The following ST8SIA6 variants were observed in gnomAD, a reference collection of about 807,000 sequenced individuals.
ST8SIA6 encodes ST8 alpha-N-acetyl-neuraminide alpha-2,8-sialyltransferase 6.
Under a neutral mutation model 33.6 loss-of-function variants are expected in ST8SIA6, and 39 were observed. The observed-to-expected ratio is 1.16, with a 90% confidence interval of 0.90 to 1.52. ST8SIA6 has a LOEUF of 1.52. Among genes scored for constraint, ST8SIA6 ranks in the 40% most tolerant of loss-of-function variants. The pLI is 0.00. For missense variants in ST8SIA6, 441 were observed against 443.8 expected (o/e 0.99, Z 0.06); for synonymous variants, 172 against 167.2 (o/e 1.03, Z -0.22).
chr10:17,412,674 G>T (rs1851490540), intron 2 of ST8SIA6, among the ~76,000 whole-genome samples: 1 of 152,134 alleles, frequency 6.6e-6, no homozygotes, highest in African/African-American at 2.4e-5. Context: ...AACTTTGACT[G>T]CAAGAATTTT....
chr10:17,364,225 A>G (rs910334900), intron 3 of ST8SIA6, among the ~76,000 whole-genome samples: 17 of 152,234 alleles, frequency 1.1e-4, no homozygotes, highest in Non-Finnish European at 2.5e-4. Flanking sequence ...AGTCTTTAAA[A>G]TATTTTGTTT....
chr10:17,358,652 TAAG>T lies in ST8SIA6; in HGVS notation c.377+859_377+861del, dbSNP rs1221104722. Among the ~76,000 whole-genome samples, 255 of 48,514 alleles carry T rather than the reference TAAG, an allele frequency of 5.3e-3. 1 individual carries two copies. Among genetic ancestry groups the T allele is most frequent in the East Asian group, 0.024 (16 of 676 alleles). The allele number at this position is 48,514 out of a possible 152,430, so 31.8% of individuals were successfully genotyped here. A position where few individuals can be genotyped will look rare whatever the true frequency, so the allele number is the denominator to read the frequency against. On this transcript the variant is annotated intron_variant, in intron 4 of 7. Transcript: ENST00000377602. ...AAGGAAGGAAGGAGAAGAAAAAGAA[TAAG>T]GAGGAGGAGGAAAGAAGAAAGAAGA...
rs1051857384 is a variant in ST8SIA6, at chr10:17,454,319, A to ACTCGCGGCT, written c.-73_-65dup. The ACTCGCGGCT allele has an allele frequency of 5.8e-5, 10 of 172,466 alleles. 1 individual carries two copies. The highest frequency in any genetic ancestry group is 2.2e-4 in the African/African-American group (9 of 41,398). The allele number at this position is 172,466 out of a possible 1,614,324, so 10.7% of individuals were successfully genotyped here. A position where few individuals can be genotyped will look rare whatever the true frequency, so the allele number is the denominator to read the frequency against. ...GCGAAGCACAGCCCGGGCGGCCCCG[A>ACTCGCGGCT]CTCGCGGCTCCCGCCGCCGCCGCCA... On this transcript the variant is annotated 5_prime_UTR_variant, in exon 1 of 8. Coordinates refer to ENST00000377602, the MANE Select transcript of ST8SIA6 (RefSeq NM_001004470.3). The surrounding 1 kb of genome is among the most constrained non-coding windows in gnomAD (Gnocchi z 4.1).
intron 2 of ST8SIA6, among the ~76,000 whole-genome samples, chr10:17,399,807 A>G (rs1017780532): frequency 1.3e-5 from 2 of 151,558 alleles, no homozygotes; most frequent in Non-Finnish European, 2.9e-5. Flanking sequence ...GGTCCCAGCT[A>G]CTCAGGAAGC....
Position 17,453,619 on chromosome 10 carries a change from G to C in ST8SIA6, c.140C>G (p.Thr47Ser). ...CCGGAGCGTCCTCAGCGCTGCGGGGGTGCCGTGGGTGGCCTCCCTGCTTTC... is the reference window on the plus strand; with the variant it reads ...CCGGAGCGTCCTCAGCGCTGCGGGGCTGCCGTGGGTGGCCTCCCTGCTTTC... ...VEESREATHG[T>S]PAALRTLRSP... Residue 47 changes from threonine to serine, a missense_variant, in exon 2 of 8, where the codon ACC becomes AGC. Physicochemically the swap from Thr to Ser is moderately conservative, Grantham distance 58. Coordinates refer to ENST00000377602, the MANE Select transcript of ST8SIA6 (RefSeq NM_001004470.3). 1.5e-6 allele frequency: 2 copies of C among 1,327,230 alleles called. No homozygotes were observed. The highest frequency in any genetic ancestry group is 1.9e-6 in the Non-Finnish European group (2 of 1,031,138). 82.2% of individuals were successfully genotyped at this position (1,327,230 alleles called of 1,614,324 possible).
In ST8SIA6 at chr10:17,390,633, A is replaced by T; in HGVS notation, c.201-13T>A. On this transcript the variant is annotated splice_polypyrimidine_tract_variant and intron_variant, in intron 2 of 7. Transcript: ENST00000377602. ...ATTCAGATATGTGCTGTTTCATGAA[A>T]GAGATTTTTAAAAAGATTGATTTAA... The T allele has an allele frequency of 6.3e-7, 1 of 1,595,066 alleles. No individual in the cohort carries two copies.
intron 4 of ST8SIA6, among the ~76,000 whole-genome samples, chr10:17,352,506 G>A (rs1317608077): frequency 1.3e-5 from 2 of 152,114 alleles, no homozygotes; most frequent in Non-Finnish European, 2.9e-5. Flanking sequence ...TACCAATGAA[G>A]ACATGGCAAG....
chr10:17,377,385 C>T (rs567623344), intron 3 of ST8SIA6, among the ~76,000 whole-genome samples: 1 of 152,306 alleles, frequency 6.6e-6, no homozygotes, highest in South Asian at 2.1e-4. Flanking sequence ...GGTCTCTTCA[C>T]ATGGACACGC....
intron 5 of ST8SIA6, among the ~76,000 whole-genome samples, chr10:17,329,460 C>T (rs781411897): frequency 4.6e-5 from 7 of 152,160 alleles, no homozygotes; most frequent in Admixed American, 1.3e-4. Flanking sequence ...CAATGGCTAG[C>T]AGAGTGACTG....
chr10:17,318,813 C>T lies in ST8SIA6; in HGVS notation c.*2065G>A. ...TACGTTTTACAGTTTACATAGCTGA[C>T]ATGCTGTATTGTAAACATTCATGTT... is the stretch of plus-strand genomic sequence containing the variant. On this transcript the variant is annotated 3_prime_UTR_variant, in exon 8 of 8. Coordinates refer to ENST00000377602, the MANE Select transcript of ST8SIA6 (RefSeq NM_001004470.3). 3 of 449,592 alleles carry T rather than the reference C, an allele frequency of 6.7e-6. No individual in the cohort carries two copies. The highest frequency in any genetic ancestry group is 1.4e-5 in the Non-Finnish European group (3 of 220,786). 27.9% of individuals were successfully genotyped at this position (449,592 alleles called of 1,614,324 possible).
intron 3 of ST8SIA6, among the ~76,000 whole-genome samples, chr10:17,373,767 T>C (rs1849806277): frequency 6.6e-6 from 1 of 152,216 alleles, no homozygotes; most frequent in Admixed American, 6.5e-5. Flanking sequence ...TTTAAATAAA[T>C]TTGATTATTT....
rs1441288579 is a variant in ST8SIA6, at chr10:17,374,764, T to TATATATATATATATATACACAC, written c.291-15165_291-15164insGTGTGTATATATATATATATAT. On this transcript the variant is annotated intron_variant, in intron 3 of 7. Coordinates refer to ENST00000377602, the MANE Select transcript of ST8SIA6 (RefSeq NM_001004470.3). The stretch of plus-strand genomic sequence containing the variant: ...TAAATAAATAATAAATATATATATA[T>TATATATATATATATATACACAC]ATATTTAGCTCAACTGCCCTCCCAA... 3.9e-3 allele frequency among the ~76,000 whole-genome samples: 495 copies of TATATATATATATATATACACAC among 126,810 alleles called. 9 individuals are homozygous for TATATATATATATATATACACAC. The highest frequency in any genetic ancestry group is 6.2e-3 in the Non-Finnish European group (375 of 60,268). 83.2% of individuals were successfully genotyped at this position (126,810 alleles called of 152,430 possible). A position where few individuals can be genotyped will look rare whatever the true frequency, so the allele number is the denominator to read the frequency against.
chr10:17,328,869 T>C (rs1848214577), intron 5 of ST8SIA6, among the ~76,000 whole-genome samples: 1 of 152,198 alleles, frequency 6.6e-6, no homozygotes, highest in Middle Eastern at 3.2e-3. Flanking sequence ...TCAGGAATTT[T>C]GTGAGCTGGT....
chr10:17,447,822 A>C (rs1415109830), intron 2 of ST8SIA6, among the ~76,000 whole-genome samples: 1 of 152,106 alleles, frequency 6.6e-6, no homozygotes, highest in Non-Finnish European at 1.5e-5. Flanking sequence ...ATTTAAAAAA[A>C]ATTTTTTTTT....
intron 4 of ST8SIA6, among the ~76,000 whole-genome samples, chr10:17,344,051 C>G (rs1848758191): frequency 6.6e-6 from 1 of 152,158 alleles, no homozygotes; most frequent in African/African-American, 2.4e-5. Flanking sequence ...CCTGAGGTCA[C>G]ACAGCTAGCT....
Position 17,331,513 on chromosome 10 carries a change from A to G in ST8SIA6, c.417T>C (p.Phe139=), listed in dbSNP as rs1401735785. Residue 139 remains phenylalanine, a synonymous_variant, in exon 5 of 8, where the codon TTT becomes TTC. Transcript: ENST00000377602. ...LASCCDAVQN[F]VVSQNNTPVG... ...CTGGAGTGTTATTCTGAGAAACAAC[A>G]AAGTTTTGAACAGCATCACAGCAGG... 3 of 1,612,984 alleles carry G rather than the reference A, an allele frequency of 1.9e-6. No individual in the cohort carries two copies. Among genetic ancestry groups the G allele is most frequent in the African/African-American group, 1.3e-5 (1 of 74,854 alleles).
At chr10:17,392,088 T>G (rs76651939) in intron 2 of ST8SIA6, among the ~76,000 whole-genome samples, 2,176 of 152,302 alleles carry the variant, frequency 0.014, 22 homozygotes, top group African/African-American at 0.032. Flanking sequence ...CACACACAGG[T>G]TATTTAGGAC....
chr10:17,388,481 A>G (rs1400925318), intron 3 of ST8SIA6, among the ~76,000 whole-genome samples: 5 of 152,210 alleles, frequency 3.3e-5, no homozygotes. Flanking sequence ...TATAAACACT[A>G]TTTCTAACAT....
At chr10:17,421,524 C>G (rs779467053) in intron 2 of ST8SIA6, among the ~76,000 whole-genome samples, 6 of 152,122 alleles carry the variant, frequency 3.9e-5, no homozygotes, top group Admixed American at 2.0e-4. Flanking sequence ...TGAGTGAGAT[C>G]TTAGAATTAA....
Sources: allele counts gnomAD v4.1 joint callset (sites outside exome capture counted in the v4.1 genomes callset), GRCh38; gene constraint gnomAD v4.1.1; non-coding constraint Gnocchi (gnomAD v3.1); transcripts MANE v1.5; gene names NCBI Gene and HGNC (gene_info 2026-07-23, HGNC 2026-07-21).